Variants in PDZRN3 observed in about 807,000 individuals in gnomAD.
The protein encoded by PDZRN3 is PDZ domain containing ring finger 3.
A neutral mutation model predicts 85.7 loss-of-function variants in PDZRN3; 38 were observed. The observed-to-expected ratio is 0.44, with a 90% CI of 0.34 to 0.58. The LOEUF is 0.58. Among genes scored for constraint, PDZRN3 ranks in the 20% least tolerant of loss-of-function variants. The probability of loss-of-function intolerance (pLI) is 0.01; values close to 1 mark genes in which losing one functional copy is unlikely to be tolerated. For missense variants in PDZRN3, 1,629 were observed against 1,506.4 expected (o/e 1.08, Z -1.35); for synonymous variants, 759 against 638.0 (o/e 1.19, Z -2.86).
intron 3 of PDZRN3, among the ~76,000 whole-genome samples, chr3:73,594,683 T>A (rs968064638): frequency 8.4e-5 from 12 of 143,398 alleles, no homozygotes; most frequent in African/African-American, 3.0e-4. Context: ...AGTAAGGAGA[T>A]CAGCTGCATT....
chr3:73,600,331 A>ACTCTCT (rs1236234605), intron 3 of PDZRN3, among the ~76,000 whole-genome samples: 24 of 86,006 alleles, frequency 2.8e-4, no homozygotes, highest in African/African-American at 1.1e-3. Context: ...ACACACACAC[A>ACTCTCT]CACACACTCT....
intron 1 of PDZRN3, among the ~76,000 whole-genome samples, chr3:73,610,246 T>C (rs998920278): frequency 3.3e-5 from 5 of 152,202 alleles, no homozygotes; most frequent in African/African-American, 1.2e-4. Context: ...ACTTACTCAA[T>C]ATATAAAATA....
intron 3 of PDZRN3, among the ~76,000 whole-genome samples, chr3:73,456,991 T>TC (rs1226837817): frequency 6.6e-6 from 1 of 152,134 alleles, no homozygotes; most frequent in Non-Finnish European, 1.5e-5. Context: ...AATGTATGTA[T>TC]CCTGTTGGTA....
At chr3:73,589,937 C>T (rs1034532153) in intron 3 of PDZRN3, among the ~76,000 whole-genome samples, 2 of 151,948 alleles carry the variant, frequency 1.3e-5, no homozygotes, top group Non-Finnish European at 2.9e-5. Flanking sequence ...ATTTTACAAG[C>T]TCTTTAATGC....
chr3:73,433,601 G>A, intron 3 of PDZRN3: 1 of 1,356,666 alleles, frequency 7.4e-7, no homozygotes, highest in Non-Finnish European at 1.0e-6. Flanking sequence ...CCAGGTGGGT[G>A]CCTATGCACT....
At chr3:73,552,169 T>C (rs1213745433) in intron 3 of PDZRN3, among the ~76,000 whole-genome samples, 1 of 152,070 alleles carries the variant, frequency 6.6e-6, no homozygotes, top group Non-Finnish European at 1.5e-5. Flanking sequence ...CTCATCTCAG[T>C]ACCTCAGTTT....
At position 73,511,654 on chromosome 3, in the gene PDZRN3, G is replaced by A. The variant is rs141688648; in HGVS notation, c.918+90700C>T. Among the ~76,000 whole-genome samples the A allele has an allele frequency of 2.0e-3, 304 of 152,280 alleles. 1 individual carries two copies. Among genetic ancestry groups the A allele is most frequent in the Non-Finnish European group, 2.5e-3 (170 of 68,024 alleles). On this transcript the variant is annotated intron_variant, in intron 3 of 9. Transcript: ENST00000263666. ...GCATTTCTCACTGCCCTAAAGTACC[G>A]TCCACCACGCCAGCAGACAAAGCGG...
intron 3 of PDZRN3, among the ~76,000 whole-genome samples, chr3:73,559,956 TA>T (rs1701781673): frequency 1.3e-5 from 2 of 152,328 alleles, no homozygotes; most frequent in African/African-American, 4.8e-5. Context: ...TCACATACAC[TA>T]TTTTCTGTCA....
chr3:73,458,995 C>CA (rs35284667), intron 3 of PDZRN3, among the ~76,000 whole-genome samples: 65,488 of 123,974 alleles, frequency 0.53, 16,040 homozygotes, highest in East Asian at 0.67. Context: ...CCATCTCAAA[C>CA]AAAAAAAAAA....
chr3:73,488,346 C>T (rs1182275347), intron 3 of PDZRN3, among the ~76,000 whole-genome samples: 1 of 152,202 alleles, frequency 6.6e-6, no homozygotes, highest in Non-Finnish European at 1.5e-5. Context: ...ATCAACCTTT[C>T]CTACTATCTC....
intron 3 of PDZRN3, among the ~76,000 whole-genome samples, chr3:73,500,212 C>T (rs1703951270): frequency 6.6e-6 from 1 of 152,046 alleles, no homozygotes; most frequent in Non-Finnish European, 1.5e-5. Context: ...CCACAGCTGG[C>T]TAATTTTTAA....
intron 3 of PDZRN3, among the ~76,000 whole-genome samples, chr3:73,488,940 T>G (rs1355802965): frequency 6.6e-6 from 1 of 152,218 alleles, no homozygotes; most frequent in Admixed American, 6.5e-5. Flanking sequence ...GTCAGGTGTG[T>G]GTGCCTGTAG....
chr3:73,439,017 C>T (rs1278025304), intron 3 of PDZRN3, among the ~76,000 whole-genome samples: 1 of 152,230 alleles, frequency 6.6e-6, no homozygotes, highest in Non-Finnish European at 1.5e-5. Flanking sequence ...GTCTCACCTC[C>T]TCTGTCCCAC....
At chr3:73,545,430 T>G (rs1701401104) in intron 3 of PDZRN3, among the ~76,000 whole-genome samples, 10 of 152,202 alleles carry the variant, frequency 6.6e-5, no homozygotes. Context: ...GTTCTACAAC[T>G]TTAGCTACGT....
At chr3:73,399,396 G>C (rs1411418049) in intron 5 of PDZRN3, among the ~76,000 whole-genome samples, 1 of 152,144 alleles carries the variant, frequency 6.6e-6, no homozygotes, top group Non-Finnish European at 1.5e-5. Flanking sequence ...CAGAGAGGTG[G>C]GGGAAATTCT....
At chr3:73,387,139 C>A (rs769239278) in intron 8 of PDZRN3, among the ~76,000 whole-genome samples, 1 of 152,206 alleles carries the variant, frequency 6.6e-6, no homozygotes, top group Non-Finnish European at 1.5e-5. Context: ...GATTGTGAGG[C>A]CTCCCCAGCC....
intron 3 of PDZRN3, among the ~76,000 whole-genome samples, chr3:73,448,310 T>A (rs1702790871): frequency 6.6e-6 from 1 of 152,226 alleles, no homozygotes. Flanking sequence ...TCATACAGAG[T>A]TACTCAGTGA....
Position 73,404,391 on chromosome 3 carries a change from T to C in PDZRN3, c.923A>G (p.Asn308Ser). 1 of 1,611,242 alleles carries C rather than the reference T, an allele frequency of 6.2e-7. No individual in the cohort carries two copies. The highest frequency in any genetic ancestry group is 1.7e-5 in the Admixed American group (1 of 59,594). ...LQIHDRIIEV[N>S]GRDLSRATHD... Reference sequence around the variant, plus strand: ...AGTTGCTCTGGATAAGTCTCTGCCGTTGACCTGTGGAAAAATATTTAGGGT... The same window carrying C: ...AGTTGCTCTGGATAAGTCTCTGCCGCTGACCTGTGGAAAAATATTTAGGGT... The change falls in exon 4 of 10, where the codon AAC becomes AGC. Residue 308 changes from asparagine to serine, a missense_variant. Physicochemically the swap from Asn to Ser is conservative, Grantham distance 46. Transcript: ENST00000263666.
At chr3:73,459,057 T>C (rs572005036) in intron 3 of PDZRN3, among the ~76,000 whole-genome samples, 1 of 151,296 alleles carries the variant, frequency 6.6e-6, no homozygotes, top group East Asian at 1.9e-4. Context: ...CAGTTCGGCA[T>C]TGCTGGGGAG....
Sources: gnomAD v4.1 joint callset for allele counts (sites outside exome capture counted in the v4.1 genomes callset) on GRCh38, gnomAD v4.1.1 for gene constraint, MANE v1.5 for transcripts, NCBI Gene and HGNC (gene_info 2026-07-23, HGNC 2026-07-21) for gene names.